ACTR3B: variants seen among roughly 807,000 people sequenced by gnomAD.
The protein encoded by ACTR3B is actin-related protein 3B.
ACTR3B carries 8 observed loss-of-function variants against 59.0 expected under a neutral mutation model. The observed-to-expected ratio is 0.14, with a 90% confidence interval of 0.08 to 0.24. The LOEUF (loss-of-function observed/expected upper bound fraction) is 0.24. ACTR3B is among the 10% of genes least tolerant of loss of function. The pLI is 1.00. For missense variants in ACTR3B, 245 were observed against 552.3 expected, an observed-to-expected ratio of 0.44 and a Z score of 5.58; for synonymous variants, 148 against 197.9, an observed-to-expected ratio of 0.75 and a Z score of 2.12.
chr7:152,765,432 T>TTA (rs2098106493), intron 1 of ACTR3B, among the ~76,000 whole-genome samples: 1 of 147,526 alleles, frequency 6.8e-6, no homozygotes. Flanking sequence ...TTTTTTTTTT[T>TTA]AAATAGTCAT....
chr7:152,800,724 C>T, intron 3 of ACTR3B, 69 bp downstream of exon 3: 3 of 1,531,726 alleles, frequency 2.0e-6, no homozygotes, highest in Non-Finnish European at 2.6e-6. Flanking sequence ...AAATGGTCAT[C>T]TAGAAGTTGT....
intron 1 of ACTR3B, among the ~76,000 whole-genome samples, chr7:152,774,719 A>T (rs2098132424): frequency 6.6e-6 from 1 of 152,128 alleles, no homozygotes; most frequent in South Asian, 2.1e-4. Flanking sequence ...ACAGGCAAAG[A>T]TACTGGATTT....
In ACTR3B at chr7:152,847,786, G is replaced by A. The variant is rs541001704; in HGVS notation, c.952-4340G>A. On this transcript the variant is annotated intron_variant, in intron 9 of 11. Coordinates refer to ENST00000256001, the MANE Select transcript of ACTR3B (RefSeq NM_020445.6). ...CTGGGACATATGATTAAGGCCAGTG[G>A]GTTTTCCGAAGAGGCCCAGCTTTTT... Among the ~76,000 whole-genome samples, 6 of 152,270 alleles carry A rather than the reference G, an allele frequency of 3.9e-5. No homozygotes were observed. In the South Asian group the frequency reaches 1.2e-3, roughly 32 times the overall value.
intron 2 of ACTR3B, among the ~76,000 whole-genome samples, chr7:152,785,376 T>TGGG (rs1554433986): frequency 1.9e-4 from 1 of 5,324 alleles, no homozygotes; most frequent in Non-Finnish European, 3.4e-4. Flanking sequence ...GAGTTTGTTG[T>TGGG]GAGGGGGGGG....
chr7:152,853,738 A>T (rs184080941), intron 11 of ACTR3B, among the ~76,000 whole-genome samples, 161 bp downstream of exon 11: 1 of 151,986 alleles, frequency 6.6e-6, no homozygotes, highest in African/African-American at 2.4e-5. Flanking sequence ...TTTTTTCGAG[A>T]TGGAGTCTCA....
At chr7:152,762,477 A>G (rs1203512512) in intron 1 of ACTR3B, among the ~76,000 whole-genome samples, 1 of 152,206 alleles carries the variant, frequency 6.6e-6, no homozygotes, top group Non-Finnish European at 1.5e-5. Context: ...GTATGTCCAT[A>G]CATATTATTA....
rs2689544 is a variant in ACTR3B, at chr7:152,844,606, G to T, written c.952-7520G>T. ...AGAAACAAAGTTTTATGATGATGTC[G>T]TCTGTTACAAATTCTTTCTTATTGT... is the stretch of plus-strand genomic sequence containing the variant. On this transcript the variant is annotated intron_variant, in intron 9 of 11. Transcript: ENST00000256001. 8.0e-3 allele frequency among the ~76,000 whole-genome samples: 1,184 copies of T among 148,402 alleles called. 25 individuals are homozygous for T. The highest frequency in any genetic ancestry group is 0.024 in the African/African-American group (941 of 38,854).
Position 152,820,281 on chromosome 7 carries a change from C to T in ACTR3B, c.541-18C>T. 1.3e-6 allele frequency: 2 copies of T among 1,575,022 alleles called. No individual in the cohort carries two copies. Among genetic ancestry groups the T allele is most frequent in the Non-Finnish European group, 1.7e-6 (2 of 1,155,574 alleles). On this transcript the variant is annotated intron_variant, in intron 6 of 11. Transcript: ENST00000256001. Reference sequence around the variant, plus strand: ...CGAAATCACTAACACAGCTGTTCTGCCTCCTCTTCTTCCCTAGGCAGAAGG... The same window carrying T: ...CGAAATCACTAACACAGCTGTTCTGTCTCCTCTTCTTCCCTAGGCAGAAGG...
intron 2 of ACTR3B, among the ~76,000 whole-genome samples, chr7:152,791,300 C>T (rs1475204208): frequency 1.3e-5 from 2 of 152,104 alleles, no homozygotes; most frequent in South Asian, 2.1e-4. Flanking sequence ...GCCGCTGTGC[C>T]GGCCCATTGT....
intron 2 of ACTR3B, among the ~76,000 whole-genome samples, chr7:152,792,075 A>G (rs1035752514): frequency 1.3e-5 from 2 of 152,076 alleles, no homozygotes; most frequent in African/African-American, 4.8e-5. Context: ...TATTTTTAGT[A>G]GAGATGGGTT....
chr7:152,842,421 A>T (rs1416027597), intron 9 of ACTR3B, among the ~76,000 whole-genome samples: 1 of 152,202 alleles, frequency 6.6e-6, no homozygotes, highest in Non-Finnish European at 1.5e-5. Flanking sequence ...GCTTCTCAGA[A>T]TGGTGCGCAG....
At chr7:152,825,536 C>G (rs1156469174) in intron 9 of ACTR3B, among the ~76,000 whole-genome samples, 2 of 151,954 alleles carry the variant, frequency 1.3e-5, no homozygotes, top group Non-Finnish European at 2.9e-5. Flanking sequence ...AGGCTGGTCT[C>G]GAACTCCTGA....
chr7:152,830,723 T>A (rs1324673140), intron 9 of ACTR3B, among the ~76,000 whole-genome samples: 7 of 151,518 alleles, frequency 4.6e-5, no homozygotes, highest in African/African-American at 7.3e-5. Flanking sequence ...TAATTAAAAA[T>A]TTTTTTTTGT....
chr7:152,798,426 T>C (rs1462709590), intron 2 of ACTR3B, among the ~76,000 whole-genome samples: 1 of 152,238 alleles, frequency 6.6e-6, no homozygotes, highest in East Asian at 1.9e-4. Context: ...ATATTTTGAT[T>C]ATTAATCTTT....
At chr7:152,801,849 T>C in intron 4 of ACTR3B, 118 bp downstream of exon 4, 1 of 543,516 alleles carries the variant, frequency 1.8e-6, no homozygotes, top group Non-Finnish European at 3.0e-6. Flanking sequence ...TGTGCATGAA[T>C]CAGGCTGCTT....
At chr7:152,778,126 AT>A (rs780224548) in intron 1 of ACTR3B, among the ~76,000 whole-genome samples, 1 of 145,786 alleles carries the variant, frequency 6.9e-6, no homozygotes, top group Non-Finnish European at 1.5e-5. Context: ...CTAGTGTTTC[AT>A]TTTATTTTGG....
chr7:152,767,859 CT>C (rs756585480), intron 1 of ACTR3B, among the ~76,000 whole-genome samples: 2 of 151,976 alleles, frequency 1.3e-5, no homozygotes, highest in Non-Finnish European at 2.9e-5. Flanking sequence ...TAACGTGCTG[CT>C]TTACAGAATG....
chr7:152,846,043 A>G (rs1339602067), intron 9 of ACTR3B, among the ~76,000 whole-genome samples: 2 of 152,254 alleles, frequency 1.3e-5, no homozygotes, highest in African/African-American at 4.8e-5. Context: ...CCCTGTTTAC[A>G]TTTCTGAACT....
chr7:152,854,795 C>T lies in ACTR3B; in HGVS notation c.*242C>T, dbSNP rs568327048. Reference sequence around the variant, plus strand: ...CCTCACCCTCGCTCTCCCTCCTCCTCCTCCTCCGAGCTGCTAGCTGACAAA... The same window carrying T: ...CCTCACCCTCGCTCTCCCTCCTCCTTCTCCTCCGAGCTGCTAGCTGACAAA... On this transcript the variant is annotated 3_prime_UTR_variant, in exon 12 of 12. Transcript: ENST00000256001. The surrounding 1 kb of genome is among the most constrained non-coding windows in gnomAD (Gnocchi z 4.9). 2.1e-6 allele frequency: 1 copy of T among 466,334 alleles called. No homozygotes were observed. Among genetic ancestry groups the T allele is most frequent in the Middle Eastern group, 5.7e-4 (1 of 1,766 alleles). The allele number at this position is 466,334 out of a possible 1,614,324, so 28.9% of individuals were successfully genotyped here.
Sources: allele counts gnomAD v4.1 joint callset (sites outside exome capture counted in the v4.1 genomes callset), GRCh38; gene constraint gnomAD v4.1.1; non-coding constraint Gnocchi (gnomAD v3.1); transcripts MANE v1.5; gene names NCBI Gene and HGNC (gene_info 2026-07-23, HGNC 2026-07-21).